Variants in FRMD4A observed in about 807,000 individuals in gnomAD.
The protein encoded by FRMD4A is FERM domain-containing protein 4A.
FRMD4A carries 29 observed loss-of-function variants against 129.1 expected under a neutral mutation model. The observed-to-expected ratio is 0.22, with a 90% CI of 0.17 to 0.31. FRMD4A has a LOEUF of 0.31. Among genes scored for constraint, FRMD4A ranks in the 10% least tolerant of loss-of-function variants. The pLI is 1.00. For missense variants in FRMD4A, 1,272 were observed against 1,375.8 expected, an observed-to-expected ratio of 0.92 and a Z score of 1.19; for synonymous variants, 634 against 571.6, an observed-to-expected ratio of 1.11 and a Z score of -1.56.
chr10:13,890,943 G>GGC, intron 2 of FRMD4A: 1 of 796,448 alleles, frequency 1.3e-6, no homozygotes, highest in Non-Finnish European at 1.5e-6. Context: ...TGGAGAAAAA[G>GGC]GCACCAAGTC....
intron 2 of FRMD4A, among the ~76,000 whole-genome samples, chr10:14,016,006 C>T (rs1196125442): frequency 6.6e-6 from 1 of 152,198 alleles, no homozygotes; most frequent in Non-Finnish European, 1.5e-5. Flanking sequence ...GAGCCAAGAA[C>T]TGGGGATGCA....
At chr10:13,728,573 C>CTTTTGTTTTTTTTTTTTTTTT (rs2090079140) in intron 12 of FRMD4A, among the ~76,000 whole-genome samples, 1 of 78,372 alleles carries the variant, frequency 1.3e-5, no homozygotes, top group Non-Finnish European at 2.4e-5. Context: ...GATTACCATT[C>CTTTTGTTTTTTTTTTTTTTTT]TTTTTTTTTT....
At chr10:13,952,428 G>A (rs1341953529) in intron 2 of FRMD4A, among the ~76,000 whole-genome samples, 1 of 152,062 alleles carries the variant, frequency 6.6e-6, no homozygotes, top group Non-Finnish European at 1.5e-5. Flanking sequence ...TTGAGCCCAG[G>A]AGTTGGAGGC....
intron 15 of FRMD4A, among the ~76,000 whole-genome samples, chr10:13,691,688 T>G (rs1378523061): frequency 6.6e-6 from 1 of 152,198 alleles, no homozygotes; most frequent in Non-Finnish European, 1.5e-5. Context: ...CGCCGAAGTT[T>G]GAGAACCACT....
intron 2 of FRMD4A, among the ~76,000 whole-genome samples, chr10:13,865,734 C>T (rs2094358646): frequency 6.6e-6 from 1 of 152,034 alleles, no homozygotes; most frequent in Admixed American, 6.6e-5. Context: ...CCGTGCCTGG[C>T]CTAGAGCATT....
chr10:13,946,548 T>G (rs998399607), intron 2 of FRMD4A, among the ~76,000 whole-genome samples: 1 of 152,204 alleles, frequency 6.6e-6, no homozygotes, highest in African/African-American at 2.4e-5. Flanking sequence ...GAAACTCTGG[T>G]GTAGACTCGG....
At chr10:13,986,972 T>G (rs2095583998) in intron 2 of FRMD4A, among the ~76,000 whole-genome samples, 1 of 152,050 alleles carries the variant, frequency 6.6e-6, no homozygotes, top group Non-Finnish European at 1.5e-5. Flanking sequence ...CTGTAGGGCC[T>G]GGGAATTTGC....
At chr10:14,264,041 CAG>C (rs1320024776) in intron 2 of FRMD4A, among the ~76,000 whole-genome samples, 7 of 152,210 alleles carry the variant, frequency 4.6e-5, no homozygotes, top group Non-Finnish European at 1.5e-5. Flanking sequence ...GATTCGCTCC[CAG>C]AGTGTCTACG....
At position 13,666,107 on chromosome 10, in the gene FRMD4A, C is replaced by T. The variant is rs905581765; in HGVS notation, c.1593G>A (p.Leu531=). 4 of 1,603,306 alleles carry T rather than the reference C, an allele frequency of 2.5e-6. No homozygotes were observed. The highest frequency in any genetic ancestry group is 2.2e-5 in the South Asian group (2 of 90,876). Residue 531 remains leucine, a synonymous_variant, in exon 18 of 25, where the codon CTG becomes CTA. Transcript: ENST00000357447. ...SGKKPTQRAS[L]IIDDGNIASE... is the part of the protein sequence containing the mutation. ...CCGGTTGGCACTGACCGTCTATGAT[C>T]AGCGAAGCCCTCTGGGTGGGTTTCT...
chr10:14,285,222 G>C (rs913330935), intron 2 of FRMD4A, among the ~76,000 whole-genome samples: 1 of 152,208 alleles, frequency 6.6e-6, no homozygotes, highest in Non-Finnish European at 1.5e-5. Context: ...AAGCAGGGCT[G>C]CTCCAACCCA....
At chr10:14,057,598 T>C (rs7904938) in intron 2 of FRMD4A, among the ~76,000 whole-genome samples, 71,312 of 151,086 alleles carry the variant, frequency 0.47, 17,454 homozygotes, top group Middle Eastern at 0.56. Context: ...GAGATGGAGA[T>C]TCACACTTGT....
At chr10:14,112,762 GT>G (rs1224370190) in intron 2 of FRMD4A, among the ~76,000 whole-genome samples, 4 of 152,206 alleles carry the variant, frequency 2.6e-5, no homozygotes, top group Admixed American at 2.6e-4. Context: ...CTGACCTCAG[GT>G]GATCCGCCTT....
At chr10:13,774,491 T>C (rs1325312977) in intron 6 of FRMD4A, among the ~76,000 whole-genome samples, 5 of 152,352 alleles carry the variant, frequency 3.3e-5, no homozygotes, top group Non-Finnish European at 4.4e-5. Flanking sequence ...TGGAATTCTA[T>C]ACCCAGTGTG....
rs763584231 is a variant in FRMD4A, at chr10:13,660,511, G to A, written c.1703C>T (p.Pro568Leu). The change falls in exon 20 of 25, where the codon CCT (proline) becomes CTT (leucine). Residue 568 changes from proline (P) to leucine (L), a missense_variant. By Grantham distance (98) the Pro-to-Leu change is moderately conservative. Coordinates refer to ENST00000357447, the MANE Select transcript of FRMD4A (RefSeq NM_018027.5). ...VTSTISPLHS[P>L]HKGLPPRPPS... ...TGGCCGAGGAGGGAGTCCCTTGTGA[G>A]GAGAATGTAGGGGGGATATTGTGCT... The A allele has an allele frequency of 6.2e-7, 1 of 1,613,670 alleles. No homozygotes were observed. The highest frequency in any genetic ancestry group is 1.1e-5 in the South Asian group (1 of 91,042).
At chr10:13,809,365 T>C (rs181820867) in intron 4 of FRMD4A, among the ~76,000 whole-genome samples, 28 of 152,362 alleles carry the variant, frequency 1.8e-4, no homozygotes, top group African/African-American at 6.5e-4. Flanking sequence ...ACAATGGGGC[T>C]ATGATTAATT....
chr10:14,173,005 T>C (rs1277962148), intron 2 of FRMD4A, among the ~76,000 whole-genome samples: 1 of 152,020 alleles, frequency 6.6e-6, no homozygotes, highest in Non-Finnish European at 1.5e-5. Context: ...GAAAATATCA[T>C]GGTCAGGCTC....
At chr10:13,832,152 A>C (rs563077278) in intron 3 of FRMD4A, among the ~76,000 whole-genome samples, 1 of 147,676 alleles carries the variant, frequency 6.8e-6, no homozygotes, top group South Asian at 2.2e-4. Context: ...TTGCCGGCCC[A>C]GCTCACCGGG....
At chr10:13,853,968 C>G (rs1413238995) in intron 3 of FRMD4A, among the ~76,000 whole-genome samples, 1 of 151,930 alleles carries the variant, frequency 6.6e-6, no homozygotes, top group Non-Finnish European at 1.5e-5. Flanking sequence ...TTTTCTGGCA[C>G]TGGGCAGGCT....
In FRMD4A at chr10:14,239,810, T is replaced by C. The variant is rs112989389; in HGVS notation, c.45+90248A>G. 1.7e-3 allele frequency among the ~76,000 whole-genome samples: 252 copies of C among 152,318 alleles called. 1 individual carries two copies. Among genetic ancestry groups the C allele is most frequent in the African/African-American group, 5.8e-3 (241 of 41,584 alleles). On this transcript the variant is annotated intron_variant, in intron 2 of 24. Transcript: ENST00000357447. The stretch of plus-strand genomic sequence containing the variant: ...GAAAGAGAGAAAAGAAAAGATGCTT[T>C]CTGAGTGAGTGTTTGCTCAGCTGAA...
Sources: gnomAD v4.1 joint callset for allele counts (sites outside exome capture counted in the v4.1 genomes callset) on GRCh38, gnomAD v4.1.1 for gene constraint, MANE v1.5 for transcripts, NCBI Gene and HGNC (gene_info 2026-07-23, HGNC 2026-07-21) for gene names.